Variants in GPR155 observed in about 807,000 individuals in gnomAD.
GPR155 encodes the protein G protein-coupled receptor 155.
In GPR155, 65 loss-of-function variants were observed where a neutral mutation model predicts 93.1. That is an observed-to-expected ratio of 0.70 (90% CI 0.57 to 0.86). The LOEUF (loss-of-function observed/expected upper bound fraction) is 0.86, where lower values mean the gene tolerates loss of function less well. Ranked by LOEUF, GPR155 falls within the 40% of genes least tolerant of loss-of-function variation. The pLI is 0.00. For missense variants in GPR155, 838 were observed against 1,034.8 expected (o/e 0.81, Z 2.61); for synonymous variants, 319 against 360.1 (o/e 0.89, Z 1.29).
intron 15 of GPR155, among the ~76,000 whole-genome samples, chr2:174,436,757 T>A (rs1275577498): frequency 6.6e-6 from 1 of 152,242 alleles, no homozygotes; most frequent in Non-Finnish European, 1.5e-5. Context: ...ATATGACATA[T>A]TTTATAATTT....
chr2:174,445,307 G>A, intron 12 of GPR155, 131 bp from the exon 13 acceptor site: 1 of 595,912 alleles, frequency 1.7e-6, no homozygotes, highest in African/African-American at 1.9e-5. Flanking sequence ...AACACTGAGA[G>A]AATATAGAGG....
Position 174,432,243 on chromosome 2 carries a change from G to T in GPR155, c.*3873C>A, listed in dbSNP as rs1273320133. The T allele has an allele frequency of 6.6e-6, 1 of 152,632 alleles. No individual in the cohort carries two copies. Among genetic ancestry groups the T allele is most frequent in the Non-Finnish European group, 1.5e-5 (1 of 68,028 alleles). The allele number at this position is 152,632 out of a possible 1,614,324, so 9.5% of individuals were successfully genotyped here. A position where few individuals can be genotyped will look rare whatever the true frequency, so the allele number is the denominator to read the frequency against. ...CAAAGAAAAGATGTCAGTAATGCAAGTTAAAATAGGTATTTTATTGAGAAA... is the reference window on the plus strand; with the variant it reads ...CAAAGAAAAGATGTCAGTAATGCAATTTAAAATAGGTATTTTATTGAGAAA... On this transcript the variant is annotated 3_prime_UTR_variant, in exon 16 of 16. Transcript: ENST00000392552.
Position 174,472,963 on chromosome 2 carries a change from A to C in GPR155, c.860+2T>G. On this transcript the variant is annotated splice_donor_variant, in intron 3 of 15. Coordinates refer to ENST00000392552, the MANE Select transcript of GPR155 (RefSeq NM_152529.7). LOFTEE classifies it high-confidence loss of function. ...TTCTCAAGTTAAATAAGTGATGCTT[A>C]CAGTTTAGCTGTGATGAGAAGAATT... The C allele has an allele frequency of 6.4e-7, 1 of 1,574,468 alleles. No homozygotes were observed. Among genetic ancestry groups the C allele is most frequent in the Non-Finnish European group, 8.5e-7 (1 of 1,169,890 alleles).
At chr2:174,457,516 G>A (rs1229863377) in intron 10 of GPR155, among the ~76,000 whole-genome samples, 1 of 152,148 alleles carries the variant, frequency 6.6e-6, no homozygotes, top group Non-Finnish European at 1.5e-5. Flanking sequence ...GAATGCAGTG[G>A]CACGATCTCA....
intron 3 of GPR155, among the ~76,000 whole-genome samples, chr2:174,471,759 C>T (rs1167033855): frequency 6.6e-6 from 1 of 152,156 alleles, no homozygotes; most frequent in Admixed American, 6.5e-5. Context: ...AATTAAGTAT[C>T]AAAGACCCCC....
chr2:174,470,182 G>A (rs780663539), intron 4 of GPR155, among the ~76,000 whole-genome samples: 1 of 152,170 alleles, frequency 6.6e-6, no homozygotes, highest in Non-Finnish European at 1.5e-5. Flanking sequence ...AAAATGGGCT[G>A]GGCACGGTGG....
chr2:174,483,205 A>C (rs1179144211), intron 1 of GPR155: 1 of 89,708 alleles, frequency 1.1e-5, no homozygotes, highest in East Asian at 4.3e-4. Flanking sequence ...ATGAATAACT[A>C]TAATTACTTA....
intron 11 of GPR155, among the ~76,000 whole-genome samples, chr2:174,451,326 A>T (rs1008769542): frequency 4.7e-5 from 7 of 148,426 alleles, no homozygotes; most frequent in African/African-American, 1.5e-4. Context: ...AAAAAAAAAA[A>T]TTTTTTATAC....
rs760944037 is a variant in GPR155, at chr2:174,436,221, CTT to C, written c.2506_2507del (p.Lys836GlufsTer3). The C allele has an allele frequency of 4.3e-6, 7 of 1,613,962 alleles. No individual in the cohort carries two copies. Among genetic ancestry groups the C allele is most frequent in the Admixed American group, 1.7e-5 (1 of 60,018 alleles). ...TAGCAGGAGGACTCTGTTCAGGACT[CTT>C]TTGAAGAAATCTGTAAAACAAGTAC... ...DEYLFYRFLQ[K>X]SPEQSPPAIN... On this transcript the variant is annotated frameshift_variant, in exon 16 of 16. Coordinates refer to ENST00000392552, the MANE Select transcript of GPR155 (RefSeq NM_152529.7). LOFTEE classifies it high-confidence loss of function.
chr2:174,469,150 C>T (rs1687922886), intron 4 of GPR155, 83 bp from the exon 5 acceptor site: 1 of 1,172,804 alleles, frequency 8.5e-7, no homozygotes. Flanking sequence ...CACACTAAAG[C>T]ATTCTAAAAT....
intron 2 of GPR155, among the ~76,000 whole-genome samples, chr2:174,479,150 T>A (rs1457570941): frequency 6.6e-6 from 1 of 152,166 alleles, no homozygotes; most frequent in Non-Finnish European, 1.5e-5. Flanking sequence ...GCTAGAAACA[T>A]AATTATTACC....
At chr2:174,456,617 A>C (rs1479424830) in intron 10 of GPR155, among the ~76,000 whole-genome samples, 1 of 152,166 alleles carries the variant, frequency 6.6e-6, no homozygotes, top group African/African-American at 2.4e-5. Context: ...CCTAGGTATA[A>C]TCTTGATGTA....
intron 2 of GPR155, among the ~76,000 whole-genome samples, chr2:174,480,273 C>T (rs1688282209): frequency 1.3e-5 from 2 of 152,072 alleles, no homozygotes; most frequent in Non-Finnish European, 2.9e-5. Context: ...CTTGTCACCA[C>T]CTGACATGAT....
chr2:174,462,945 A>C (rs1687742932), intron 7 of GPR155, among the ~76,000 whole-genome samples: 1 of 152,200 alleles, frequency 6.6e-6, no homozygotes, highest in African/African-American at 2.4e-5. Flanking sequence ...GGTTTGCCCA[A>C]GTCATACAGC....
At position 174,432,467 on chromosome 2, in the gene GPR155, G is replaced by A. The variant is rs1686664588; in HGVS notation, c.*3649C>T. 6.6e-6 allele frequency: 1 copy of A among 152,334 alleles called. No homozygotes were observed. The highest frequency in any genetic ancestry group is 1.5e-5 in the Non-Finnish European group (1 of 68,038). 9.4% of individuals were successfully genotyped at this position (152,334 alleles called of 1,614,324 possible). ...TTCATGCAAATAACAGAAGTAGTAT[G>A]ACTTGTTCACAAACAAATTCTCCAC... On this transcript the variant is annotated 3_prime_UTR_variant, in exon 16 of 16. Coordinates refer to ENST00000392552, the MANE Select transcript of GPR155 (RefSeq NM_152529.7).
intron 10 of GPR155, among the ~76,000 whole-genome samples, chr2:174,457,110 G>A (rs556037076): frequency 3.9e-5 from 6 of 152,208 alleles, no homozygotes; most frequent in African/African-American, 1.2e-4. Context: ...TCAGAAGTTC[G>A]AGACCAGCCT....
intron 11 of GPR155, among the ~76,000 whole-genome samples, chr2:174,447,056 C>T (rs1037212561): frequency 8.6e-5 from 13 of 151,594 alleles, no homozygotes; most frequent in African/African-American, 2.4e-4. Flanking sequence ...ACATAATTTG[C>T]CTGGGTGCGG....
intron 10 of GPR155, among the ~76,000 whole-genome samples, chr2:174,459,413 A>G (rs1687615858): frequency 1.3e-5 from 2 of 152,242 alleles, no homozygotes; most frequent in South Asian, 4.1e-4. Flanking sequence ...CAAAAATCTA[A>G]TGAATAATTT....
chr2:174,474,452 A>G (rs1257162508), intron 2 of GPR155, among the ~76,000 whole-genome samples: 1 of 152,236 alleles, frequency 6.6e-6, no homozygotes, highest in Non-Finnish European at 1.5e-5. Context: ...AGTCACATCA[A>G]TGCACATTTA....
Sources: allele counts gnomAD v4.1 joint callset (sites outside exome capture counted in the v4.1 genomes callset), GRCh38; gene constraint gnomAD v4.1.1; transcripts MANE v1.5; gene names NCBI Gene and HGNC (gene_info 2026-07-23, HGNC 2026-07-21).